PPP1R1A: variants seen among roughly 807,000 people sequenced by gnomAD.
PPP1R1A encodes protein phosphatase 1 regulatory subunit 1A.
In PPP1R1A, 18 loss-of-function variants were observed where a neutral mutation model predicts 23.9. The observed-to-expected ratio is 0.75, with a 90% CI of 0.52 to 1.12. PPP1R1A has a LOEUF of 1.12. Among genes scored for constraint, PPP1R1A ranks in the 50% most tolerant of loss-of-function variants. PPP1R1A has a pLI of 0.00. For synonymous variants in PPP1R1A, 84 were observed against 80.7 expected, an observed-to-expected ratio of 1.04 and a Z score of -0.22; for missense variants, 207 against 223.8, an observed-to-expected ratio of 0.92 and a Z score of 0.48.
intron 1 of PPP1R1A, among the ~76,000 whole-genome samples, chr12:54,586,779 T>C (rs1273544944): frequency 6.6e-6 from 1 of 151,966 alleles, no homozygotes; most frequent in African/African-American, 2.4e-5. Flanking sequence ...TTCCTCCTCC[T>C]CCTCCCTACC....
chr12:54,582,688 T>A (rs758787858), intron 4 of PPP1R1A, 44 bp downstream of exon 4: 1 of 1,597,428 alleles, frequency 6.3e-7, no homozygotes, highest in Non-Finnish European at 8.6e-7. Context: ...CCTCTTCAGC[T>A]TCAGGCACAG....
Position 54,584,331 on chromosome 12 carries a change from G to T in PPP1R1A, c.85-11C>A. On this transcript the variant is annotated splice_polypyrimidine_tract_variant and intron_variant, in intron 1 of 6. Coordinates refer to ENST00000257905, the MANE Select transcript of PPP1R1A (RefSeq NM_006741.4). ...GCGGCGCCTCCGAATCTGAGGGAAG[G>T]TGGGAAATGGGGAAGAGGTCAAGTA... The T allele has an allele frequency of 6.3e-7, 1 of 1,591,450 alleles. No individual in the cohort carries two copies. Among genetic ancestry groups the T allele is most frequent in the Non-Finnish European group, 8.6e-7 (1 of 1,168,422 alleles).
chr12:54,579,854 G>T lies in PPP1R1A; in HGVS notation c.*533C>A. 2 of 985,742 alleles carry T rather than the reference G, an allele frequency of 2.0e-6. No homozygotes were observed. The highest frequency in any genetic ancestry group is 2.4e-6 in the Non-Finnish European group (2 of 830,190). 61.1% of individuals were successfully genotyped at this position (985,742 alleles called of 1,614,324 possible). A position where few individuals can be genotyped will look rare whatever the true frequency, so the allele number is the denominator to read the frequency against. On this transcript the variant is annotated 3_prime_UTR_variant, in exon 7 of 7. Coordinates refer to ENST00000257905, the MANE Select transcript of PPP1R1A (RefSeq NM_006741.4). Reference sequence around the variant, plus strand: ...CACACCACCATACCCTCTTTCCCATGGGCCAAGTGCCATGGTGCAGTTCCC... The same window carrying T: ...CACACCACCATACCCTCTTTCCCATTGGCCAAGTGCCATGGTGCAGTTCCC...
chr12:54,582,971 G>T (rs796775164), intron 3 of PPP1R1A, among the ~76,000 whole-genome samples, 176 bp from the exon 4 acceptor site: 6 of 152,070 alleles, frequency 3.9e-5, no homozygotes, highest in African/African-American at 1.4e-4. Flanking sequence ...GTAAGAAAAC[G>T]CCTGCTTCCC....
intron 3 of PPP1R1A, 105 bp downstream of exon 3, chr12:54,583,106 G>T: frequency 8.0e-7 from 1 of 1,247,162 alleles, no homozygotes; most frequent in Non-Finnish European, 1.1e-6. Flanking sequence ...ACAGGGAAGC[G>T]GGAGTCAAAA....
chr12:54,586,908 G>A (rs1402724152), intron 1 of PPP1R1A, among the ~76,000 whole-genome samples: 1 of 152,146 alleles, frequency 6.6e-6, no homozygotes, highest in East Asian at 1.9e-4. Context: ...CCAGACTCTT[G>A]AGCCCTTTTT....
Position 54,579,524 on chromosome 12 carries a change from TC to T in PPP1R1A, c.*862del, listed in dbSNP as rs945073865. ...ATCTTGCCTTCCCTCCTTTCCTCTC[TC>T]CCACTACCTGGGAAAATCAAAAACA... On this transcript the variant is annotated 3_prime_UTR_variant, in exon 7 of 7. Transcript: ENST00000257905. 4.0e-5 allele frequency: 39 copies of T among 985,156 alleles called. No individual in the cohort carries two copies. Among genetic ancestry groups the T allele is most frequent in the Non-Finnish European group, 4.2e-5 (35 of 829,950 alleles). The allele number at this position is 985,156 out of a possible 1,614,324, so 61.0% of individuals were successfully genotyped here. A position where few individuals can be genotyped will look rare whatever the true frequency, so the allele number is the denominator to read the frequency against.
At chr12:54,586,199 G>C (rs1373733992) in intron 1 of PPP1R1A, among the ~76,000 whole-genome samples, 1 of 152,072 alleles carries the variant, frequency 6.6e-6, no homozygotes, top group East Asian at 1.9e-4. Context: ...AGGGCAGCAG[G>C]GCTGTCTGGT....
chr12:54,588,544 T>G lies in PPP1R1A; in HGVS notation c.-56A>C. ...GCGGCGGGAGGGAAGGCGGCGGGACTCGGGGCTGGGGCGGGCGCGCTCCCT... is the reference window on the plus strand; with the variant it reads ...GCGGCGGGAGGGAAGGCGGCGGGACGCGGGGCTGGGGCGGGCGCGCTCCCT... On this transcript the variant is annotated 5_prime_UTR_variant, in exon 1 of 7. Transcript: ENST00000257905. The G allele has an allele frequency of 2.6e-6, 3 of 1,175,148 alleles. No homozygotes were observed. The highest frequency in any genetic ancestry group is 4.9e-5 in the South Asian group (2 of 41,040). The allele number at this position is 1,175,148 out of a possible 1,614,324, so 72.8% of individuals were successfully genotyped here. A position where few individuals can be genotyped will look rare whatever the true frequency, so the allele number is the denominator to read the frequency against.
intron 3 of PPP1R1A, 25 bp from the exon 4 acceptor site, chr12:54,582,820 G>A (rs1173549488): frequency 3.1e-6 from 5 of 1,610,464 alleles, no homozygotes; most frequent in African/African-American, 1.3e-5. Context: ...GAGCACAGAT[G>A]GGCGCCAGCC....
In PPP1R1A at chr12:54,583,227, G is replaced by A. The variant is rs1403615726; in HGVS notation, c.167C>T (p.Pro56Leu). The change falls in exon 3 of 7, where the codon CCC becomes CTC. Residue 56 changes from proline (P) to leucine (L), a missense_variant. By Grantham distance (98) the Pro-to-Leu change is moderately conservative (BLOSUM62 -3). Transcript: ENST00000257905. ...SSPEIDEDRIPNPHLKSTLAM... is the reference protein window; with the variant it reads ...SSPEIDEDRILNPHLKSTLAM... ...CCAGCTCACCTTGAGATGTGGGTTG[G>A]GGATCCGGTCTTCATCTATCTCTGA... The A allele has an allele frequency of 1.3e-6, 2 of 1,540,908 alleles. No homozygotes were observed. The highest frequency in any genetic ancestry group is 1.3e-5 in the South Asian group (1 of 78,404).
intron 6 of PPP1R1A, among the ~76,000 whole-genome samples, 173 bp from the exon 7 acceptor site, chr12:54,580,565 A>C (rs1240207990): frequency 6.6e-6 from 1 of 152,186 alleles, no homozygotes; most frequent in African/African-American, 2.4e-5. Flanking sequence ...CGGATTATGA[A>C]ATCAAAGCTC....
rs1009177956 is a variant in PPP1R1A at position 54,579,933 on chromosome 12, G to T, written c.*454C>A. The T allele has an allele frequency of 3.0e-6, 3 of 993,940 alleles. No individual in the cohort carries two copies. The African/African-American group carries it at 5.2e-5, about 17-fold the overall frequency. The allele number at this position is 993,940 out of a possible 1,614,324, so 61.6% of individuals were successfully genotyped here. On this transcript the variant is annotated 3_prime_UTR_variant, in exon 7 of 7. Coordinates refer to ENST00000257905, the MANE Select transcript of PPP1R1A (RefSeq NM_006741.4). The stretch of plus-strand genomic sequence containing the variant: ...ACAGTCACAGCTGGACACGGCACAG[G>T]CCTTAGAGCGCCGAGTCTTCCAGCT...
At chr12:54,582,905 G>A in intron 3 of PPP1R1A, 110 bp from the exon 4 acceptor site, 1 of 1,173,294 alleles carries the variant, frequency 8.5e-7, no homozygotes, top group Non-Finnish European at 1.2e-6. Context: ...TTCCTCCTCT[G>A]CCTTGCCAGG....
At position 54,579,771 on chromosome 12, in the gene PPP1R1A, G is replaced by A; in HGVS notation, c.*616C>T. 1.0e-6 allele frequency: 1 copy of A among 985,704 alleles called. No individual in the cohort carries two copies. Among genetic ancestry groups the A allele is most frequent in the Non-Finnish European group, 1.2e-6 (1 of 830,134 alleles). 61.1% of individuals were successfully genotyped at this position (985,704 alleles called of 1,614,324 possible). ...GCTGGAAGAGGGAACACATCCTGAA[G>A]CTTGGGAATCCAAAAGGAAGGCAGC... On this transcript the variant is annotated 3_prime_UTR_variant, in exon 7 of 7. Coordinates refer to ENST00000257905, the MANE Select transcript of PPP1R1A (RefSeq NM_006741.4).
chr12:54,581,096 A>G lies in PPP1R1A; in HGVS notation c.404-46T>C. ...TGGGAGGAAGAGGTGGCATTCATAA[A>G]GGTGTTGGGGAGGGAACTGCTTCTC... On this transcript the variant is annotated intron_variant, in intron 5 of 6. Coordinates refer to ENST00000257905, the MANE Select transcript of PPP1R1A (RefSeq NM_006741.4). The surrounding 1 kb of genome is among the most constrained non-coding windows in gnomAD (Gnocchi z 4.1). 6.9e-7 allele frequency: 1 copy of G among 1,458,114 alleles called. No homozygotes were observed. Among genetic ancestry groups the G allele is most frequent in the Non-Finnish European group, 9.6e-7 (1 of 1,044,484 alleles). 90.3% of individuals were successfully genotyped at this position (1,458,114 alleles called of 1,614,324 possible).
chr12:54,587,172 A>C (rs548151142), intron 1 of PPP1R1A, among the ~76,000 whole-genome samples: 2 of 152,270 alleles, frequency 1.3e-5, no homozygotes, highest in East Asian at 3.9e-4. Context: ...AGTGGTAGGG[A>C]GAGTGTGTAC....
intron 1 of PPP1R1A, among the ~76,000 whole-genome samples, chr12:54,585,073 G>C (rs1052482502): frequency 1.3e-5 from 2 of 152,206 alleles, no homozygotes; most frequent in African/African-American, 4.8e-5. Flanking sequence ...CGCCTGGAGA[G>C]AGCATCCTTT....
intron 1 of PPP1R1A, 148 bp downstream of exon 1, chr12:54,588,257 C>CCCA: frequency 1.0e-5 from 1 of 95,300 alleles, no homozygotes; most frequent in South Asian, 3.0e-4. Context: ...GGACAGAAGA[C>CCCA]CCCCCCCCGC....
Sources: gnomAD v4.1 joint callset for allele counts (sites outside exome capture counted in the v4.1 genomes callset) on GRCh38, gnomAD v4.1.1 for gene constraint, Gnocchi (gnomAD v3.1) non-coding constraint, MANE v1.5 for transcripts, NCBI Gene and HGNC (gene_info 2026-07-23, HGNC 2026-07-21) for gene names.